DNM3: variants seen among roughly 807,000 people sequenced by gnomAD.
DNM3 encodes the protein dynamin-3.
DNM3 carries 47 observed loss-of-function variants against 101.6 expected under a neutral mutation model. The observed-to-expected ratio is 0.46, with a 90% CI of 0.37 to 0.59. DNM3 has a LOEUF of 0.59. Ranked by LOEUF, DNM3 falls within the 20% of genes least tolerant of loss-of-function variation. DNM3 has a pLI of 0.00. For synonymous variants in DNM3, 385 were observed against 387.9 expected (o/e 0.99, Z 0.09); for missense variants, 849 against 1,085.7 (o/e 0.78, Z 3.06).
At chr1:172,220,047 G>C (rs1012139431) in intron 14 of DNM3, among the ~76,000 whole-genome samples, 3 of 152,140 alleles carry the variant, frequency 2.0e-5, no homozygotes, top group African/African-American at 7.2e-5. Context: ...AAGTAGGCAA[G>C]CTAACTAAAT....
chr1:172,352,182 C>CA (rs1412219642), intron 17 of DNM3, among the ~76,000 whole-genome samples: 1 of 152,166 alleles, frequency 6.6e-6, no homozygotes, highest in Admixed American at 6.5e-5. Flanking sequence ...CTACAAATCT[C>CA]ACTGTGAGTG....
chr1:171,995,108 T>G (rs1184974564), intron 4 of DNM3, among the ~76,000 whole-genome samples: 178 of 145,248 alleles, frequency 1.2e-3, no homozygotes, highest in African/African-American at 4.2e-3. Flanking sequence ...TTTTTTTTTT[T>G]TTTTTTTTTT....
intron 1 of DNM3, among the ~76,000 whole-genome samples, chr1:171,880,397 GT>G (rs1179749433): frequency 6.6e-6 from 1 of 152,188 alleles, no homozygotes; most frequent in African/African-American, 2.4e-5. Context: ...TATGTCTTCT[GT>G]TTAGAACTTA....
At chr1:172,107,725 T>C (rs922799440) in intron 13 of DNM3, among the ~76,000 whole-genome samples, 18 of 152,330 alleles carry the variant, frequency 1.2e-4, no homozygotes, top group Admixed American at 9.2e-4. Flanking sequence ...CCAATAGTGC[T>C]CTTTTGTTAT....
intron 17 of DNM3, among the ~76,000 whole-genome samples, chr1:172,347,196 C>CG: frequency 6.8e-6 from 1 of 146,470 alleles, no homozygotes; most frequent in Non-Finnish European, 1.5e-5. Flanking sequence ...TAGCAGAAGC[C>CG]CCCCCCGCCA....
intron 17 of DNM3, among the ~76,000 whole-genome samples, chr1:172,350,064 G>A (rs764582813): frequency 9.9e-5 from 15 of 152,074 alleles, no homozygotes; most frequent in Non-Finnish European, 1.5e-4. Context: ...AATTGGTATC[G>A]ATTTCTGAAA....
chr1:171,993,498 C>CTTTTTTTTTTTTTTTTTTTTTT (rs145178902), intron 4 of DNM3, among the ~76,000 whole-genome samples: 2 of 128,694 alleles, frequency 1.6e-5, no homozygotes, highest in Non-Finnish European at 3.2e-5. Flanking sequence ...TTTCAAGATT[C>CTTTTTTTTTTTTTTTTTTTTTT]TTTTTTTTTT....
rs2045967476 is a variant in DNM3, at chr1:171,995,931, T to C, written c.589+6783T>C. On this transcript the variant is annotated intron_variant, in intron 4 of 20. Coordinates refer to ENST00000627582, the MANE Select transcript of DNM3 (RefSeq NM_015569.5). ...GTACTAAATTAAATCTTTTTGACAA[T>C]AGACAGGCAATTTTCACCTAAACGG... Among the ~76,000 whole-genome samples the C allele has an allele frequency of 2.0e-5, 3 of 152,258 alleles. No individual in the cohort carries two copies. In the South Asian group the frequency reaches 6.2e-4, roughly 32 times the overall value.
chr1:171,988,848 C>T, intron 3 of DNM3, 97 bp from the exon 4 acceptor site: 2 of 1,114,822 alleles, frequency 1.8e-6, no homozygotes, highest in East Asian at 2.6e-5. Flanking sequence ...TGTTCAGATA[C>T]ACAAAGTAGA....
rs116264058 is a variant in DNM3 at position 172,339,445 on chromosome 1, C to T, written c.1893+16105C>T. Among the ~76,000 whole-genome samples the T allele has an allele frequency of 4.4e-3, 676 of 152,304 alleles. 6 individuals carry two copies. Among genetic ancestry groups the T allele is most frequent in the African/African-American group, 0.015 (643 of 41,568 alleles). On this transcript the variant is annotated intron_variant, in intron 17 of 20. Coordinates refer to ENST00000627582, the MANE Select transcript of DNM3 (RefSeq NM_015569.5). ...GGCCTCATTATCAGCATTAGCCAGT[C>T]AGTCACCTGTTTGGGAACCAAGGGC...
In DNM3 at chr1:171,898,789, T is replaced by TG. The variant is rs2038046199; in HGVS notation, c.162-22959_162-22958insG. ...AATAGTAGAGAGTGAATTTTTTTTTTCATATTTACTATTCTGTTACCTCAT... is the reference window on the plus strand; with the variant it reads ...AATAGTAGAGAGTGAATTTTTTTTTTGCATATTTACTATTCTGTTACCTCAT... On this transcript the variant is annotated intron_variant, in intron 1 of 20. Transcript: ENST00000627582. Among the ~76,000 whole-genome samples, 3 of 152,214 alleles carry TG rather than the reference T, an allele frequency of 2.0e-5. No individual in the cohort carries two copies. The South Asian group carries it at 6.2e-4, about 32-fold the overall frequency.
In DNM3 at chr1:172,172,062, T is replaced by A. The variant is rs116959330; in HGVS notation, c.1659+40774T>A. The stretch of plus-strand genomic sequence containing the variant: ...ATATTTATTGATGGAGTAAACAGGG[T>A]GCTGTGAGAAGAATGATGGGAAACA... On this transcript the variant is annotated intron_variant, in intron 14 of 20. Coordinates refer to ENST00000627582, the MANE Select transcript of DNM3 (RefSeq NM_015569.5). Among the ~76,000 whole-genome samples the A allele has an allele frequency of 2.6e-4, 40 of 151,424 alleles. No individual in the cohort carries two copies. The East Asian group carries it at 6.8e-3, about 26-fold the overall frequency.
intron 17 of DNM3, among the ~76,000 whole-genome samples, chr1:172,332,610 G>A (rs1296051834): frequency 2.6e-5 from 4 of 152,156 alleles, no homozygotes; most frequent in African/African-American, 9.7e-5. Context: ...TGCCCGGCCA[G>A]CTGGGGCTTT....
intron 17 of DNM3, among the ~76,000 whole-genome samples, chr1:172,377,939 TTAA>T (rs2068698191): frequency 6.6e-6 from 1 of 152,032 alleles, no homozygotes; most frequent in Non-Finnish European, 1.5e-5. Context: ...GGCTTATCAT[TTAA>T]TATCCAGTAA....
chr1:171,993,629 G>T (rs1320337812), intron 4 of DNM3, among the ~76,000 whole-genome samples: 1 of 149,562 alleles, frequency 6.7e-6, no homozygotes, highest in African/African-American at 2.5e-5. Context: ...AGTCAAATTT[G>T]ATAAATTTTC....
At chr1:172,172,611 C>T (rs2059003589) in intron 14 of DNM3, among the ~76,000 whole-genome samples, 1 of 151,726 alleles carries the variant, frequency 6.6e-6, no homozygotes, top group Non-Finnish European at 1.5e-5. Flanking sequence ...AAGGGGACTA[C>T]TATACTTACT....
intron 1 of DNM3, among the ~76,000 whole-genome samples, chr1:171,853,686 A>G (rs2033247521): frequency 6.6e-6 from 1 of 152,190 alleles, no homozygotes; most frequent in Non-Finnish European, 1.5e-5. Context: ...CATTCTGACC[A>G]TCAGAGTCTC....
chr1:172,330,717 TA>T (rs1190397582), intron 17 of DNM3, among the ~76,000 whole-genome samples: 1 of 152,022 alleles, frequency 6.6e-6, no homozygotes, highest in African/African-American at 2.4e-5. Context: ...GGAAGATACT[TA>T]AATAGAGGAT....
rs902305385 is a variant in DNM3 at position 171,904,172 on chromosome 1, C to T, written c.162-17576C>T. Among the ~76,000 whole-genome samples, 63 of 149,220 alleles carry T rather than the reference C, an allele frequency of 4.2e-4. 1 individual carries two copies. The highest frequency in any genetic ancestry group is 3.3e-3 in the Admixed American group (50 of 14,938). The stretch of plus-strand genomic sequence containing the variant: ...AAAATAGAAAAAAAAAAAAAGCCAG[C>T]GTGGTGTCACGCACCTGTAGTCCCA... On this transcript the variant is annotated intron_variant, in intron 1 of 20. Coordinates refer to ENST00000627582, the MANE Select transcript of DNM3 (RefSeq NM_015569.5).
Sources: gnomAD v4.1 joint callset for allele counts (sites outside exome capture counted in the v4.1 genomes callset) on GRCh38, gnomAD v4.1.1 for gene constraint, MANE v1.5 for transcripts, NCBI Gene and HGNC (gene_info 2026-07-23, HGNC 2026-07-21) for gene names.